APBA2: variants seen among roughly 807,000 people sequenced by gnomAD.
APBA2 encodes amyloid beta precursor protein binding family A member 2, also known as amyloid-beta A4 precursor protein-binding family A member 2.
In APBA2, 30 loss-of-function variants were observed where a neutral mutation model predicts 75.0. The ratio of observed to expected loss-of-function variants is 0.40; its 90% CI spans 0.30 to 0.54. APBA2 has a LOEUF of 0.54. APBA2 is among the 20% of genes least tolerant of loss of function. The pLI is 0.49. For synonymous variants in APBA2, 444 were observed against 409.6 expected, an observed-to-expected ratio of 1.08 and a Z score of -1.01; for missense variants, 801 against 1,016.1, an observed-to-expected ratio of 0.79 and a Z score of 2.88.
At chr15:28,968,147 C>T (rs1026228337) in intron 2 of APBA2, among the ~76,000 whole-genome samples, 3 of 152,228 alleles carry the variant, frequency 2.0e-5, no homozygotes, top group Admixed American at 1.3e-4. Context: ...TAATACTCCA[C>T]CGTATGTGTA....
chr15:28,949,359 A>G lies in APBA2; in HGVS notation c.-95+27610A>G, dbSNP rs768556957. Among the ~76,000 whole-genome samples the G allele has an allele frequency of 7.2e-5, 11 of 152,202 alleles. 1 individual carries two copies. Among genetic ancestry groups the G allele is most frequent in the South Asian group, 4.1e-4 (2 of 4,830 alleles). ...AGGGCCGGGCAGAAGCCCCTGGGGT[A>G]TCTGCGGAAGAGCACTTTCCAGGGT... On this transcript the variant is annotated intron_variant, in intron 2 of 14. Coordinates refer to ENST00000683413, the MANE Select transcript of APBA2 (RefSeq NM_001353788.2).
rs1358779925 is a variant in APBA2, at chr15:28,916,136, C to T, written c.-204-5504C>T. ...GTCCTGCCCTCCTTTGGGTCAGCAC[C>T]GCCTCCTGTGTTTTGGGTGTCTCTG... is the stretch of plus-strand genomic sequence containing the variant. On this transcript the variant is annotated intron_variant, in intron 1 of 14. Coordinates refer to ENST00000683413, the MANE Select transcript of APBA2 (RefSeq NM_001353788.2). 3.9e-5 allele frequency among the ~76,000 whole-genome samples: 6 copies of T among 152,354 alleles called. No homozygotes were observed. In the East Asian group the frequency reaches 9.6e-4, roughly 25 times the overall value.
At chr15:28,966,380 T>TAC (rs1457300906) in intron 2 of APBA2, among the ~76,000 whole-genome samples, 1 of 152,152 alleles carries the variant, frequency 6.6e-6, no homozygotes, top group Non-Finnish European at 1.5e-5. Context: ...GTCTGGGGGG[T>TAC]ACGCATTTAG....
chr15:29,073,327 C>A lies in APBA2; in HGVS notation c.952-1594C>A, dbSNP rs74762771. Among the ~76,000 whole-genome samples the A allele has an allele frequency of 8.5e-3, 1,294 of 152,224 alleles. 29 individuals carry two copies. The highest frequency in any genetic ancestry group is 0.03 in the African/African-American group (1,241 of 41,544). ...GTGTACACAAGAGGCTTTTGTAAAC[C>A]CTAAGGTGCTAGGTAAATTAGGTAA... On this transcript the variant is annotated intron_variant, in intron 4 of 14. Coordinates refer to ENST00000683413, the MANE Select transcript of APBA2 (RefSeq NM_001353788.2).
chr15:29,023,755 C>T (rs2040076252), intron 3 of APBA2, among the ~76,000 whole-genome samples: 1 of 151,622 alleles, frequency 6.6e-6, no homozygotes, highest in African/African-American at 2.4e-5. Flanking sequence ...CACACTTGGC[C>T]CCATTTTATA....
chr15:29,042,598 A>G (rs1295948900), intron 3 of APBA2, among the ~76,000 whole-genome samples: 2 of 152,180 alleles, frequency 1.3e-5, no homozygotes, highest in African/African-American at 4.8e-5. Flanking sequence ...TCTGAGGTAC[A>G]GGGGATGAGA....
intron 3 of APBA2, among the ~76,000 whole-genome samples, chr15:29,048,389 T>C (rs550016917): frequency 2.0e-5 from 3 of 152,308 alleles, no homozygotes; most frequent in African/African-American, 7.2e-5. Flanking sequence ...TAACTTAAAG[T>C]TACTCCAGCC....
chr15:29,022,592 T>C (rs1205267135), intron 3 of APBA2, among the ~76,000 whole-genome samples: 1 of 152,190 alleles, frequency 6.6e-6, no homozygotes, highest in Non-Finnish European at 1.5e-5. Flanking sequence ...GTTACCTTTA[T>C]CATATGGTAA....
intron 2 of APBA2, among the ~76,000 whole-genome samples, chr15:28,957,358 C>T (rs2036229452): frequency 6.6e-6 from 1 of 152,166 alleles, no homozygotes; most frequent in Non-Finnish European, 1.5e-5. Context: ...TGATTACAGG[C>T]GTGAGCTACT....
chr15:28,997,641 G>T (rs1446990500), intron 3 of APBA2, among the ~76,000 whole-genome samples: 2 of 152,116 alleles, frequency 1.3e-5, no homozygotes, highest in Non-Finnish European at 2.9e-5. Flanking sequence ...GACTGTCCAC[G>T]GTGAAATTGG....
At chr15:29,105,669 C>T in intron 11 of APBA2, 111 bp downstream of exon 11, 1 of 1,232,720 alleles carries the variant, frequency 8.1e-7, no homozygotes, top group African/African-American at 1.5e-5. Context: ...GCCTTCCTAT[C>T]AGACTCCAGT....
chr15:29,035,294 G>T (rs1214069728), intron 3 of APBA2, among the ~76,000 whole-genome samples: 2 of 152,172 alleles, frequency 1.3e-5, no homozygotes, highest in African/African-American at 4.8e-5. Flanking sequence ...GGGTCATTAG[G>T]ATTAATTAGT....
At chr15:28,905,956 C>A (rs564830334) in intron 1 of APBA2, among the ~76,000 whole-genome samples, 2 of 152,184 alleles carry the variant, frequency 1.3e-5, no homozygotes, top group East Asian at 3.9e-4. Flanking sequence ...CAAGTTTCAC[C>A]ACTGCCCCAT....
intron 8 of APBA2, among the ~76,000 whole-genome samples, chr15:29,095,998 G>A (rs909655588): frequency 6.6e-6 from 1 of 152,206 alleles, no homozygotes; most frequent in African/African-American, 2.4e-5. Context: ...AGTCGCTGCC[G>A]CCTTTAGAGG....
chr15:28,911,516 T>A (rs2033427790), intron 1 of APBA2, among the ~76,000 whole-genome samples: 1 of 152,202 alleles, frequency 6.6e-6, no homozygotes, highest in Non-Finnish European at 1.5e-5. Flanking sequence ...GTGGAGGGAA[T>A]TAATGCACTT....
intron 2 of APBA2, among the ~76,000 whole-genome samples, chr15:28,987,258 G>A (rs1347879630): frequency 2.0e-5 from 3 of 152,138 alleles, no homozygotes; most frequent in Admixed American, 2.0e-4. Context: ...AACATATTAT[G>A]CCAACACTTA....
At chr15:28,942,537 GA>G (rs2035290837) in intron 2 of APBA2, among the ~76,000 whole-genome samples, 2 of 152,202 alleles carry the variant, frequency 1.3e-5, no homozygotes, top group Admixed American at 1.3e-4. Flanking sequence ...TTTCTTGGGG[GA>G]GGAACTCGGT....
chr15:28,948,625 C>G (rs2035678572), intron 2 of APBA2, among the ~76,000 whole-genome samples: 1 of 152,124 alleles, frequency 6.6e-6, no homozygotes, highest in African/African-American at 2.4e-5. Context: ...TTTCTTTTCG[C>G]TTTCTTCTGT....
At chr15:28,947,455 T>TC (rs962433512) in intron 2 of APBA2, among the ~76,000 whole-genome samples, 198 of 152,302 alleles carry the variant, frequency 1.3e-3, no homozygotes, top group African/African-American at 4.5e-3. Flanking sequence ...CAGGGAGCCA[T>TC]CACCTGTCCT....
Sources: gnomAD v4.1 joint callset for allele counts (sites outside exome capture counted in the v4.1 genomes callset) on GRCh38, gnomAD v4.1.1 for gene constraint, MANE v1.5 for transcripts, NCBI Gene and HGNC (gene_info 2026-07-23, HGNC 2026-07-21) for gene names.